NSD3: variants seen among roughly 807,000 people sequenced by gnomAD.
NSD3 encodes histone-lysine N-methyltransferase NSD3.
Under a neutral mutation model 160.8 loss-of-function variants are expected in NSD3, and 24 were observed. The observed-to-expected ratio is 0.15, with a 90% CI of 0.11 to 0.21. The LOEUF (loss-of-function observed/expected upper bound fraction) is 0.21. NSD3 is among the 10% of genes least tolerant of loss of function. NSD3 has a pLI of 1.00. For missense variants in NSD3, 1,157 were observed against 1,735.9 expected (o/e 0.67, Z 5.93); for synonymous variants, 520 against 600.0 (o/e 0.87, Z 1.95).
chr8:38,324,598 A>G (rs965941093), intron 7 of NSD3, among the ~76,000 whole-genome samples: 1 of 152,168 alleles, frequency 6.6e-6, no homozygotes, highest in Non-Finnish European at 1.5e-5. Context: ...ATGATAAGAA[A>G]CATATATTTG....
chr8:38,376,855 A>T (rs1811402011), intron 1 of NSD3, among the ~76,000 whole-genome samples: 1 of 152,232 alleles, frequency 6.6e-6, no homozygotes, highest in African/African-American at 2.4e-5. Flanking sequence ...CTTCTAAAAT[A>T]AAGTAGTTGT....
At position 38,317,027 on chromosome 8, in the gene NSD3, C is replaced by G; in HGVS notation, c.1856-985G>C. 4 of 1,059,592 alleles carry G rather than the reference C, an allele frequency of 3.8e-6. No individual in the cohort carries two copies. The highest frequency in any genetic ancestry group is 4.6e-6 in the Non-Finnish European group (4 of 875,828). The allele number at this position is 1,059,592 out of a possible 1,614,324, so 65.6% of individuals were successfully genotyped here. A position where few individuals can be genotyped will look rare whatever the true frequency, so the allele number is the denominator to read the frequency against. ...GATTTTTTCCCCCAAAATTTCCATA[C>G]AACAAACAGACATCTAGATCAACCC... On this transcript the variant is annotated intron_variant, in intron 9 of 23. Coordinates refer to ENST00000317025, the MANE Select transcript of NSD3 (RefSeq NM_023034.2). This position sits in a 1 kb window ranked among gnomAD's most constrained non-coding sequence, Gnocchi z 5.3.
intron 12 of NSD3, among the ~76,000 whole-genome samples, chr8:38,311,556 C>T (rs779762052): frequency 9.2e-5 from 14 of 152,094 alleles, no homozygotes; most frequent in Non-Finnish European, 1.8e-4. Flanking sequence ...AAACTCTTGA[C>T]CTCAGGTGAT....
intron 7 of NSD3, among the ~76,000 whole-genome samples, chr8:38,326,311 A>C (rs908840721): frequency 6.6e-6 from 1 of 152,240 alleles, no homozygotes; most frequent in African/African-American, 2.4e-5. Flanking sequence ...AGCTACTAGT[A>C]TCTAGCACAA....
chr8:38,319,789 C>T lies in NSD3; in HGVS notation c.1810-849G>A, dbSNP rs1471653560. 6.6e-6 allele frequency: 1 copy of T among 151,904 alleles called. No homozygotes were observed. Among genetic ancestry groups the T allele is most frequent in the Admixed American group, 6.6e-5 (1 of 15,252 alleles). The allele number at this position is 151,904 out of a possible 1,614,324, so 9.4% of individuals were successfully genotyped here. A position where few individuals can be genotyped will look rare whatever the true frequency, so the allele number is the denominator to read the frequency against. On this transcript the variant is annotated intron_variant, in intron 8 of 23. Coordinates refer to ENST00000317025, the MANE Select transcript of NSD3 (RefSeq NM_023034.2). This position sits in a 1 kb window ranked among gnomAD's most constrained non-coding sequence, Gnocchi z 4.1. ...AAAAAAAATTTTATTTTTTTTACAA[C>T]AGGTAAAAAAACATACAACAGAAAC...
Position 38,270,267 on chromosome 8 carries a change from A to C in NSD3, c.*5374T>G, listed in dbSNP as rs748117459. The C allele has an allele frequency of 1.3e-5, 2 of 152,238 alleles. No homozygotes were observed. The highest frequency in any genetic ancestry group is 2.9e-5 in the Non-Finnish European group (2 of 68,048). 9.4% of individuals were successfully genotyped at this position (152,238 alleles called of 1,614,324 possible). The stretch of plus-strand genomic sequence containing the variant: ...CAAAGTAATGGTTCACAGGATCTAC[A>C]AAGTTTATTACAGATAAAGTACAGA... On this transcript the variant is annotated 3_prime_UTR_variant, in exon 24 of 24. Transcript: ENST00000317025.
chr8:38,337,217 C>T (rs1563359504), intron 4 of NSD3, 88 bp downstream of exon 4: 12 of 1,140,156 alleles, frequency 1.1e-5, no homozygotes, highest in African/African-American at 6.5e-5. Flanking sequence ...TTATATATTA[C>T]GTGTGTATTC....
At position 38,351,772 on chromosome 8, in the gene NSD3, C is replaced by CA. The variant is rs1408264727; in HGVS notation, c.-44-3558dup. On this transcript the variant is annotated intron_variant, in intron 1 of 23. Transcript: ENST00000317025. ...CATTCTCAGCAAACTATCGCAAGGACAAAAAACCAAACACCGCAGGTTCTC... is the reference window on the plus strand; with the variant it reads ...CATTCTCAGCAAACTATCGCAAGGACAAAAAAACCAAACACCGCAGGTTCTC... Among the ~76,000 whole-genome samples, 8 of 150,140 alleles carry CA rather than the reference C, an allele frequency of 5.3e-5. No individual in the cohort carries two copies. The East Asian group carries it at 1.6e-3, about 30-fold the overall frequency.
chr8:38,281,977 GT>G (rs142852472), intron 19 of NSD3, among the ~76,000 whole-genome samples: 57 of 152,258 alleles, frequency 3.7e-4, no homozygotes, highest in African/African-American at 1.3e-3. Context: ...CTCTGTTTTT[GT>G]TTTTAAGCTT....
At chr8:38,364,034 G>C (rs1324925824) in intron 1 of NSD3, 1 of 146,598 alleles carries the variant, frequency 6.8e-6, no homozygotes, top group African/African-American at 2.5e-5. Context: ...CACTTTGCGA[G>C]TCCAAGGTGG....
chr8:38,318,439 T>G lies in NSD3; in HGVS notation c.1855+456A>C, dbSNP rs1471614320. On this transcript the variant is annotated intron_variant, in intron 9 of 23. Transcript: ENST00000317025. The surrounding 1 kb of genome is among the most constrained non-coding windows in gnomAD (Gnocchi z 5.3). Reference sequence around the variant, plus strand: ...AGTGGCCATAAATGCTATGAATCATTTTAATTTACAAAAAGATTTTACAGC... The same window carrying G: ...AGTGGCCATAAATGCTATGAATCATGTTAATTTACAAAAAGATTTTACAGC... Among the ~76,000 whole-genome samples, 1 of 152,188 alleles carries G rather than the reference T, an allele frequency of 6.6e-6. No homozygotes were observed. Among genetic ancestry groups the G allele is most frequent in the Non-Finnish European group, 1.5e-5 (1 of 68,036 alleles).
Position 38,274,573 on chromosome 8 carries a change from A to G in NSD3, c.*1068T>C, listed in dbSNP as rs566519558. On this transcript the variant is annotated 3_prime_UTR_variant, in exon 24 of 24. Coordinates refer to ENST00000317025, the MANE Select transcript of NSD3 (RefSeq NM_023034.2). ...AACCAAAAAGATCTATTCAAATACA[A>G]TTCAAACTCACTTGTGTGGTTTTAC... 1.3e-5 allele frequency: 2 copies of G among 152,378 alleles called. No individual in the cohort carries two copies. The highest frequency in any genetic ancestry group is 4.1e-4 in the South Asian group (2 of 4,834). 9.4% of individuals were successfully genotyped at this position (152,378 alleles called of 1,614,324 possible). A position where few individuals can be genotyped will look rare whatever the true frequency, so the allele number is the denominator to read the frequency against.
At chr8:38,325,590 G>A (rs1479152092) in intron 7 of NSD3, among the ~76,000 whole-genome samples, 2 of 152,172 alleles carry the variant, frequency 1.3e-5, no homozygotes, top group Non-Finnish European at 2.9e-5. Context: ...AAATTATGTT[G>A]GCTGGGTGCA....
chr8:38,369,352 T>C (rs1326858638), intron 1 of NSD3, among the ~76,000 whole-genome samples: 2 of 152,152 alleles, frequency 1.3e-5, no homozygotes, highest in Admixed American at 6.5e-5. Flanking sequence ...GGAAGTAAAA[T>C]TGGACTGGAA....
intron 1 of NSD3, among the ~76,000 whole-genome samples, chr8:38,365,053 T>C (rs1811073642): frequency 6.6e-6 from 1 of 152,250 alleles, no homozygotes; most frequent in Admixed American, 6.5e-5. Context: ...TATTTTCTCA[T>C]GTTTGTTTCC....
At chr8:38,378,055 T>C (rs1450005140) in intron 1 of NSD3, among the ~76,000 whole-genome samples, 1 of 152,232 alleles carries the variant, frequency 6.6e-6, no homozygotes, top group Non-Finnish European at 1.5e-5. Context: ...AAACTTCAAG[T>C]GGTTATCAGT....
Position 38,290,621 on chromosome 8 carries a change from AGGCCCT to A in NSD3, c.2966_2971del (p.Gln989_Gly990del). 6.2e-7 allele frequency: 1 copy of A among 1,613,998 alleles called. No homozygotes were observed. Among genetic ancestry groups the A allele is most frequent in the Non-Finnish European group, 8.5e-7 (1 of 1,179,882 alleles). ...AGGGAAGTCCCCCAAGTCATGTTTA[AGGCCCT>A]GGATGTTCAGTGGCACAGACCTGGG... On this transcript the variant is annotated inframe_deletion, in exon 17 of 24. Coordinates refer to ENST00000317025, the MANE Select transcript of NSD3 (RefSeq NM_023034.2).
In NSD3 at chr8:38,317,911, G is replaced by A; in HGVS notation, c.1855+984C>T. Reference sequence around the variant, plus strand: ...GCCGCCGACAAAGAAATCTTGCATGGAGACTACAAGTCTGGAGTTTCTGGG... The same window carrying A: ...GCCGCCGACAAAGAAATCTTGCATGAAGACTACAAGTCTGGAGTTTCTGGG... On this transcript the variant is annotated intron_variant, in intron 9 of 23. Coordinates refer to ENST00000317025, the MANE Select transcript of NSD3 (RefSeq NM_023034.2). This position sits in a 1 kb window ranked among gnomAD's most constrained non-coding sequence, Gnocchi z 5.3. 6.2e-7 allele frequency: 1 copy of A among 1,612,066 alleles called. No homozygotes were observed. Among genetic ancestry groups the A allele is most frequent in the East Asian group, 2.2e-5 (1 of 44,854 alleles).
chr8:38,287,902 T>C (rs34504029), intron 19 of NSD3, among the ~76,000 whole-genome samples: 9,082 of 152,258 alleles, frequency 0.06, 409 homozygotes, highest in Admixed American at 0.11. Flanking sequence ...GTGACCACTG[T>C]GCCCGGCTGA....
Sources: gnomAD v4.1 joint callset for allele counts (sites outside exome capture counted in the v4.1 genomes callset) on GRCh38, gnomAD v4.1.1 for gene constraint, Gnocchi (gnomAD v3.1) non-coding constraint, MANE v1.5 for transcripts, NCBI Gene and HGNC (gene_info 2026-07-23, HGNC 2026-07-21) for gene names.